PREP: variants seen among roughly 807,000 people sequenced by gnomAD.
The protein encoded by PREP is prolyl endopeptidase.
Under a neutral mutation model 87.6 loss-of-function variants are expected in PREP, and 29 were observed. The observed-to-expected ratio is 0.33, with a 90% CI of 0.25 to 0.45. PREP has a LOEUF of 0.45. Ranked by LOEUF, PREP falls within the 20% of genes least tolerant of loss-of-function variation. PREP has a pLI of 1.00. For synonymous variants in PREP, 337 were observed against 328.6 expected (o/e 1.03, Z -0.28); for missense variants, 695 against 886.5 (o/e 0.78, Z 2.74).
chr6:105,273,963 C>A lies in PREP; in HGVS notation c.*4181G>T, dbSNP rs778469332. Among the ~76,000 whole-genome samples, 4 of 152,254 alleles carry A rather than the reference C, an allele frequency of 2.6e-5. No homozygotes were observed. The highest frequency in any genetic ancestry group is 1.9e-4 in the East Asian group (1 of 5,196). On this transcript the variant is annotated 3_prime_UTR_variant, in exon 15 of 15. Transcript: ENST00000652536. Reference sequence around the variant, plus strand: ...TTGCTTCCTGAAAGAGGCACCCTGACCTCGACTCAAATAGCATTCCTTCTC... The same window carrying A: ...TTGCTTCCTGAAAGAGGCACCCTGAACTCGACTCAAATAGCATTCCTTCTC...
chr6:105,316,861 G>A (rs1583051266), intron 10 of PREP, among the ~76,000 whole-genome samples: 1 of 151,746 alleles, frequency 6.6e-6, no homozygotes, highest in East Asian at 1.9e-4. Flanking sequence ...GGTTCTGTAA[G>A]GATCTACAAA....
chr6:105,313,598 T>C (rs1408616554), intron 10 of PREP, among the ~76,000 whole-genome samples: 2 of 152,152 alleles, frequency 1.3e-5, no homozygotes, highest in African/African-American at 4.8e-5. Context: ...CATCACCTAT[T>C]AGGGAGGCAG....
intron 2 of PREP, among the ~76,000 whole-genome samples, chr6:105,386,037 C>T (rs1772985181): frequency 1.3e-5 from 2 of 152,196 alleles, no homozygotes; most frequent in South Asian, 4.2e-4. Flanking sequence ...GGAGAATTGC[C>T]TGAACCAGGG....
chr6:105,371,442 A>T lies in PREP; in HGVS notation c.595+1927T>A, dbSNP rs1018288241. Among the ~76,000 whole-genome samples, 8 of 134,052 alleles carry T rather than the reference A, an allele frequency of 6.0e-5. No homozygotes were observed. The Admixed American group carries it at 6.6e-4, about 11-fold the overall frequency. 87.9% of individuals were successfully genotyped at this position (134,052 alleles called of 152,430 possible). A position where few individuals can be genotyped will look rare whatever the true frequency, so the allele number is the denominator to read the frequency against. ...CTTGAACCCGGGAGGTACAGGTTGC[A>T]GTGAGCTGAGATCACGCCACTGCAC... On this transcript the variant is annotated intron_variant, in intron 5 of 14. Transcript: ENST00000652536.
Position 105,275,926 on chromosome 6 carries a change from A to G in PREP, c.*2218T>C, listed in dbSNP as rs1219266237. 6.6e-6 allele frequency among the ~76,000 whole-genome samples: 1 copy of G among 152,194 alleles called. No individual in the cohort carries two copies. The highest frequency in any genetic ancestry group is 1.9e-4 in the East Asian group (1 of 5,194). On this transcript the variant is annotated 3_prime_UTR_variant, in exon 15 of 15. Transcript: ENST00000652536. Reference sequence around the variant, plus strand: ...TGAAGAGATTAATGCCTACAAATATACAGTTTGAAAGAAGACCTAGTGTTA... The same window carrying G: ...TGAAGAGATTAATGCCTACAAATATGCAGTTTGAAAGAAGACCTAGTGTTA...
At position 105,288,825 on chromosome 6, in the gene PREP, C is replaced by T; in HGVS notation, c.1387G>A (p.Asp463Asn). Residue 463 changes from aspartate to asparagine, a missense_variant, in exon 11 of 15, where the codon GAT (aspartate) becomes AAT (asparagine). Transcript: ENST00000652536. ...TATAAGAAAGCTGGATGAGAGCCAT[C>T]CAATTTTATGCCTTTTTTATGCACA... ...FIVHKKGIKL[D>N]GSHPAFLYGY... 6.2e-6 allele frequency: 10 copies of T among 1,614,040 alleles called. No homozygotes were observed. Among genetic ancestry groups the T allele is most frequent in the Non-Finnish European group, 8.5e-6 (10 of 1,179,938 alleles).
intron 4 of PREP, among the ~76,000 whole-genome samples, chr6:105,375,459 A>G (rs955025330): frequency 2.0e-5 from 3 of 152,190 alleles, no homozygotes; most frequent in African/African-American, 7.2e-5. Flanking sequence ...CTTACCCTAG[A>G]ACTCTGCTTA....
chr6:105,377,518 G>A lies in PREP; in HGVS notation c.122C>T (p.Ala41Val). The A allele has an allele frequency of 1.2e-6, 2 of 1,610,712 alleles. No homozygotes were observed. Among genetic ancestry groups the A allele is most frequent in the African/African-American group, 2.7e-5 (2 of 74,758 alleles). The change falls in exon 3 of 15, where the codon GCC becomes GTC. Residue 41 changes from alanine to valine, a missense_variant and splice_region_variant. Ala to Val is a moderately conservative substitution (Grantham distance 64). Around this residue, in one of 5 missense-constraint regions of PREP, gnomAD observed 517 missense variants for 620.3 expected, o/e 0.83. Transcript: ENST00000652536. ...AATCTTATTCTGGGCCTCCACAAAG[G>A]CCTGTGGAGAAATTAAAATGGACAA... ...LEDPDSEQTK[A>V]FVEAQNKITV...
chr6:105,352,380 CATG>C (rs1771980862), intron 7 of PREP, among the ~76,000 whole-genome samples: 1 of 152,152 alleles, frequency 6.6e-6, no homozygotes, highest in African/African-American at 2.4e-5. Flanking sequence ...CTATGCTTAT[CATG>C]ATATGTAAGG....
chr6:105,284,102 T>C (rs1265332227), intron 12 of PREP, among the ~76,000 whole-genome samples: 1 of 152,194 alleles, frequency 6.6e-6, no homozygotes, highest in East Asian at 1.9e-4. Context: ...TTTATCCTCT[T>C]ATCACTCATC....
At position 105,278,483 on chromosome 6, in the gene PREP, A is replaced by C; in HGVS notation, c.1839-45T>G. On this transcript the variant is annotated intron_variant, in intron 14 of 14. Transcript: ENST00000652536. This position sits in a 1 kb window ranked among gnomAD's most constrained non-coding sequence, Gnocchi z 4.2. ...TTGTGAGGCTGGAGAGCAACAGTAGAGTTTTATGGCACAGGGACCTAGGTA... is the reference window on the plus strand; with the variant it reads ...TTGTGAGGCTGGAGAGCAACAGTAGCGTTTTATGGCACAGGGACCTAGGTA... 1 of 1,557,872 alleles carries C rather than the reference A, an allele frequency of 6.4e-7. No homozygotes were observed.
intron 7 of PREP, among the ~76,000 whole-genome samples, chr6:105,352,454 C>T (rs997074223): frequency 1.3e-5 from 2 of 152,190 alleles, no homozygotes; most frequent in African/African-American, 2.4e-5. Flanking sequence ...CTACTGATTA[C>T]GTTAATCTAG....
intron 4 of PREP, among the ~76,000 whole-genome samples, chr6:105,374,172 A>G (rs1772627132): frequency 1.3e-5 from 2 of 152,192 alleles, no homozygotes. Flanking sequence ...CGGAGTGCAC[A>G]TTCCACAAGA....
At chr6:105,386,098 G>A (rs1432941483) in intron 2 of PREP, among the ~76,000 whole-genome samples, 1 of 152,078 alleles carries the variant, frequency 6.6e-6, no homozygotes, top group Non-Finnish European at 1.5e-5. Context: ...CCAGCCTGGT[G>A]ACAGAGCAAG....
At chr6:105,347,363 C>T (rs1771826705) in intron 7 of PREP, among the ~76,000 whole-genome samples, 1 of 152,100 alleles carries the variant, frequency 6.6e-6, no homozygotes, top group African/African-American at 2.4e-5. Flanking sequence ...CAGGGTAGGA[C>T]ATTAATGCAT....
chr6:105,386,347 C>G (rs1772994719), intron 2 of PREP, among the ~76,000 whole-genome samples: 1 of 152,132 alleles, frequency 6.6e-6, no homozygotes, highest in Admixed American at 6.5e-5. Context: ...AGTTACTGAA[C>G]ATCTAGCTCA....
chr6:105,347,474 T>C (rs1169570860), intron 7 of PREP, among the ~76,000 whole-genome samples: 1 of 152,242 alleles, frequency 6.6e-6, no homozygotes, highest in Admixed American at 6.5e-5. Context: ...TAACCAAAGT[T>C]AAATTTTAAA....
intron 8 of PREP, 106 bp from the exon 9 acceptor site, chr6:105,329,132 G>A: frequency 9.4e-7 from 1 of 1,064,848 alleles, no homozygotes; most frequent in Non-Finnish European, 1.4e-6. Context: ...ATGCAGCAAT[G>A]AGACTTGCAA....
intron 7 of PREP, among the ~76,000 whole-genome samples, chr6:105,343,574 A>G (rs1243050714): frequency 1.3e-5 from 2 of 152,214 alleles, no homozygotes; most frequent in Admixed American, 1.3e-4. Flanking sequence ...ACAAACTACC[A>G]TCACAGTGAA....
Sources: gnomAD v4.1 joint callset for allele counts (sites outside exome capture counted in the v4.1 genomes callset) on GRCh38, gnomAD v4.1.1 for gene constraint, gnomAD v4.1.1 regional missense constraint, Gnocchi (gnomAD v3.1) non-coding constraint, MANE v1.5 for transcripts, NCBI Gene and HGNC (gene_info 2026-07-23, HGNC 2026-07-21) for gene names.